The following ZRANB3 variants were observed in gnomAD, a reference collection of about 807,000 sequenced individuals.
The protein encoded by ZRANB3 is zinc finger RANBP2-type containing 3.
In ZRANB3, 125 loss-of-function variants were observed where a neutral mutation model predicts 133.8. That is an observed-to-expected ratio of 0.93 (90% confidence interval 0.81 to 1.08). ZRANB3 has a LOEUF of 1.08. Ranked by LOEUF, ZRANB3 falls within the 50% of genes least tolerant of loss-of-function variation. The pLI is 0.00. For missense variants in ZRANB3, 1,229 were observed against 1,275.5 expected, an observed-to-expected ratio of 0.96 and a Z score of 0.56; for synonymous variants, 387 against 432.7, an observed-to-expected ratio of 0.89 and a Z score of 1.31.
intron 2 of ZRANB3, among the ~76,000 whole-genome samples, chr2:135,395,299 T>C (rs1263436261): frequency 6.6e-6 from 1 of 152,048 alleles, no homozygotes; most frequent in Non-Finnish European, 1.5e-5. Context: ...ATATCTGCAT[T>C]CAGAAGAATT....
At chr2:135,370,878 A>T (rs1249421724) in intron 3 of ZRANB3, among the ~76,000 whole-genome samples, 1 of 152,190 alleles carries the variant, frequency 6.6e-6, no homozygotes, top group African/African-American at 2.4e-5. Flanking sequence ...TGCTGTTCGC[A>T]TGATAATGAG....
chr2:135,469,244 G>GAC (rs149939641), intron 2 of ZRANB3, among the ~76,000 whole-genome samples: 2,241 of 147,816 alleles, frequency 0.015, 49 homozygotes, highest in African/African-American at 0.048. Context: ...CATGCATGCA[G>GAC]ACACACACAC....
chr2:135,507,338 T>A (rs775098938), intron 1 of ZRANB3, among the ~76,000 whole-genome samples: 1 of 152,178 alleles, frequency 6.6e-6, no homozygotes, highest in Non-Finnish European at 1.5e-5. Context: ...CTGAAGTTCC[T>A]ATAGGGAGAG....
intron 12 of ZRANB3, among the ~76,000 whole-genome samples, chr2:135,263,298 T>C (rs1345060497): frequency 6.6e-6 from 1 of 152,230 alleles, no homozygotes; most frequent in Non-Finnish European, 1.5e-5. Context: ...CACTTTAACT[T>C]CTAAATAGCA....
chr2:135,416,239 T>C (rs1688567727), intron 2 of ZRANB3, among the ~76,000 whole-genome samples: 1 of 152,116 alleles, frequency 6.6e-6, no homozygotes, highest in South Asian at 2.1e-4. Context: ...CTCCTTAAGC[T>C]GATAAGCAAC....
Position 135,390,833 on chromosome 2 carries a change from A to ATT in ZRANB3, c.162-14_162-13insAA, listed in dbSNP as rs752383914. ...AGCCACCATACACCTGGAAAAAAAA[A>ATT]AAAAAAAAAATTAATTATCAGAGTG... On this transcript the variant is annotated splice_polypyrimidine_tract_variant and intron_variant, in intron 2 of 20. Coordinates refer to ENST00000264159, the MANE Select transcript of ZRANB3 (RefSeq NM_032143.4). 483 of 1,504,766 alleles carry ATT rather than the reference A, an allele frequency of 3.2e-4. 1 individual carries two copies. Among genetic ancestry groups the ATT allele is most frequent in the East Asian group, 1.3e-3 (54 of 40,202 alleles). 93.2% of individuals were successfully genotyped at this position (1,504,766 alleles called of 1,614,324 possible).
intron 2 of ZRANB3, among the ~76,000 whole-genome samples, chr2:135,413,001 T>C (rs1027716687): frequency 6.6e-6 from 1 of 152,204 alleles, no homozygotes; most frequent in Admixed American, 6.6e-5. Flanking sequence ...CTTTCCTGTA[T>C]ATTACTGATG....
At chr2:135,296,492 T>C (rs1339008843) in intron 8 of ZRANB3, among the ~76,000 whole-genome samples, 2 of 152,158 alleles carry the variant, frequency 1.3e-5, no homozygotes, top group Non-Finnish European at 2.9e-5. Flanking sequence ...ATTTTTTTTT[T>C]CAAGGTTTTT....
chr2:135,362,067 G>A (rs745459432), intron 3 of ZRANB3, among the ~76,000 whole-genome samples: 23 of 151,860 alleles, frequency 1.5e-4, no homozygotes, highest in African/African-American at 3.6e-4. Context: ...GCATGGTGGC[G>A]GACACCTGTA....
chr2:135,232,643 C>T lies in ZRANB3; in HGVS notation c.1540-1716G>A, dbSNP rs544582036. 3.2e-4 allele frequency among the ~76,000 whole-genome samples: 49 copies of T among 152,282 alleles called. No individual in the cohort carries two copies. The South Asian group carries it at 5.4e-3, about 17-fold the overall frequency. On this transcript the variant is annotated intron_variant, in intron 12 of 20. Transcript: ENST00000264159. ...GCAACATTTGCTGTTCACCAATATC[C>T]GCTGTTCTACAGCCTCTGCTTCTGA...
At chr2:135,480,588 T>A (rs911483494) in intron 2 of ZRANB3, among the ~76,000 whole-genome samples, 1 of 152,094 alleles carries the variant, frequency 6.6e-6, no homozygotes, top group Non-Finnish European at 1.5e-5. Flanking sequence ...AAGCCTTAAA[T>A]ACTACAAAGG....
chr2:135,456,022 A>C (rs754870683), intron 2 of ZRANB3, among the ~76,000 whole-genome samples: 2 of 152,106 alleles, frequency 1.3e-5, no homozygotes, highest in Non-Finnish European at 2.9e-5. Context: ...TCCTTGAATT[A>C]ATTTTATTTG....
At chr2:135,428,148 G>A (rs1440158459) in intron 2 of ZRANB3, among the ~76,000 whole-genome samples, 1 of 152,130 alleles carries the variant, frequency 6.6e-6, no homozygotes, top group Non-Finnish European at 1.5e-5. Flanking sequence ...CCATGGCAAA[G>A]ATTTCATGAT....
intron 11 of ZRANB3, among the ~76,000 whole-genome samples, chr2:135,266,903 C>G (rs1252672632): frequency 6.6e-6 from 1 of 152,176 alleles, no homozygotes; most frequent in Non-Finnish European, 1.5e-5. Flanking sequence ...TCCAAGTCTT[C>G]AGATAAACTC....
At chr2:135,382,804 A>G (rs1005848912) in intron 3 of ZRANB3, among the ~76,000 whole-genome samples, 3 of 152,224 alleles carry the variant, frequency 2.0e-5, no homozygotes, top group Non-Finnish European at 4.4e-5. Flanking sequence ...AGATTTTGTC[A>G]CCACCAGGTC....
At chr2:135,461,427 C>A (rs987973144) in intron 2 of ZRANB3, among the ~76,000 whole-genome samples, 1 of 152,062 alleles carries the variant, frequency 6.6e-6, no homozygotes, top group East Asian at 1.9e-4. Flanking sequence ...AAAAATTAGC[C>A]GGTCTTGGCG....
intron 8 of ZRANB3, among the ~76,000 whole-genome samples, chr2:135,312,576 A>G (rs1018933344): frequency 1.3e-5 from 2 of 152,142 alleles, no homozygotes; most frequent in African/African-American, 4.8e-5. Flanking sequence ...CTAAAATCCT[A>G]TATTTTTCAC....
At chr2:135,321,537 G>A (rs945785104) in intron 6 of ZRANB3, among the ~76,000 whole-genome samples, 2 of 149,538 alleles carry the variant, frequency 1.3e-5, no homozygotes, top group Non-Finnish European at 3.0e-5. Flanking sequence ...GCAGTGGCAC[G>A]ATCTCAGTTC....
chr2:135,238,188 G>A (rs1432066060), intron 12 of ZRANB3, among the ~76,000 whole-genome samples: 1 of 152,122 alleles, frequency 6.6e-6, no homozygotes, highest in African/African-American at 2.4e-5. Flanking sequence ...GGTGGAGTTG[G>A]GAACTATGTT....
Sources: allele counts gnomAD v4.1 joint callset (sites outside exome capture counted in the v4.1 genomes callset), GRCh38; gene constraint gnomAD v4.1.1; transcripts MANE v1.5; gene names NCBI Gene and HGNC (gene_info 2026-07-23, HGNC 2026-07-21).